ADD3: variants seen among roughly 807,000 people sequenced by gnomAD.
The protein encoded by ADD3 is gamma-adducin.
ADD3 carries 25 observed loss-of-function variants against 80.2 expected under a neutral mutation model. The observed-to-expected ratio is 0.31, with a 90% CI of 0.23 to 0.44. ADD3 has a LOEUF of 0.44. ADD3 is among the 20% of genes least tolerant of loss of function. ADD3 has a pLI of 1.00. For missense variants in ADD3, 829 were observed against 847.5 expected (o/e 0.98, Z 0.27); for synonymous variants, 284 against 289.6 (o/e 0.98, Z 0.20).
At chr10:110,093,524 CAT>C (rs1847804558) in intron 1 of ADD3, among the ~76,000 whole-genome samples, 1 of 152,134 alleles carries the variant, frequency 6.6e-6, no homozygotes, top group Non-Finnish European at 1.5e-5. Flanking sequence ...CTAATTAAGT[CAT>C]AGTGGTCATC....
intron 1 of ADD3, among the ~76,000 whole-genome samples, chr10:110,087,789 A>G (rs528546985): frequency 3.9e-5 from 6 of 152,328 alleles, no homozygotes; most frequent in South Asian, 2.1e-4. Context: ...TTGGAACAGT[A>G]TATGTGTTAG....
chr10:110,055,121 T>A (rs569070526), intron 1 of ADD3, among the ~76,000 whole-genome samples: 2 of 152,344 alleles, frequency 1.3e-5, no homozygotes, highest in Non-Finnish European at 2.9e-5. Context: ...TGCCCAATAA[T>A]ATTAGCTGTT....
At chr10:110,009,550 A>G (rs1254142193) in intron 1 of ADD3, among the ~76,000 whole-genome samples, 1 of 152,240 alleles carries the variant, frequency 6.6e-6, no homozygotes, top group Non-Finnish European at 1.5e-5. Context: ...ACTTAACCCT[A>G]TAAATAACTG....
chr10:110,128,049 A>ATTTTTT (rs71486096), intron 12 of ADD3, among the ~76,000 whole-genome samples: 20 of 105,986 alleles, frequency 1.9e-4, no homozygotes, highest in South Asian at 3.2e-4. Flanking sequence ...TTTGTTTAGG[A>ATTTTTT]TTTTTTTTTT....
intron 1 of ADD3, among the ~76,000 whole-genome samples, chr10:110,097,118 A>G (rs1385499138): frequency 1.3e-5 from 2 of 152,230 alleles, no homozygotes; most frequent in Admixed American, 1.3e-4. Context: ...AAGTATATTA[A>G]CAGTTATACA....
intron 1 of ADD3, among the ~76,000 whole-genome samples, chr10:110,082,453 T>G (rs2133783294): frequency 6.6e-6 from 1 of 152,356 alleles, no homozygotes; most frequent in East Asian, 1.9e-4. Flanking sequence ...TTTAAAGACC[T>G]ATTTTGAGTT....
intron 1 of ADD3, among the ~76,000 whole-genome samples, chr10:110,026,753 T>C (rs890273954): frequency 6.6e-6 from 1 of 151,900 alleles, no homozygotes; most frequent in African/African-American, 2.4e-5. Flanking sequence ...AACTATGTAA[T>C]ATTTCTTTTA....
At chr10:110,087,099 G>A (rs1228390053) in intron 1 of ADD3, among the ~76,000 whole-genome samples, 8 of 152,094 alleles carry the variant, frequency 5.3e-5, no homozygotes, top group Non-Finnish European at 8.8e-5. Flanking sequence ...CGCCATCTCA[G>A]CTCACTGCAA....
Position 110,095,456 on chromosome 10 carries a change from A to T in ADD3, c.-29-5169A>T, listed in dbSNP as rs561920096. Reference sequence around the variant, plus strand: ...TTTTCTAAACATTTCATATAAATGGAGTCATACAATATGTGGTCCTTGGTG... The same window carrying T: ...TTTTCTAAACATTTCATATAAATGGTGTCATACAATATGTGGTCCTTGGTG... On this transcript the variant is annotated intron_variant, in intron 1 of 14. Coordinates refer to ENST00000356080, the MANE Select transcript of ADD3 (RefSeq NM_016824.5). Among the ~76,000 whole-genome samples the T allele has an allele frequency of 2.0e-5, 3 of 152,330 alleles. No individual in the cohort carries two copies. The South Asian group carries it at 6.2e-4, about 32-fold the overall frequency.
At chr10:110,065,074 TACTC>T (rs1843735471) in intron 1 of ADD3, among the ~76,000 whole-genome samples, 1 of 152,182 alleles carries the variant, frequency 6.6e-6, no homozygotes, top group Admixed American at 6.5e-5. Flanking sequence ...CAAATTTCTT[TACTC>T]ACTGTTGTTT....
intron 2 of ADD3, among the ~76,000 whole-genome samples, chr10:110,108,165 A>G (rs902961015): frequency 1.3e-5 from 2 of 152,140 alleles, no homozygotes; most frequent in Admixed American, 6.5e-5. Context: ...GCTTTGATGA[A>G]TTCTTAGCTA....
At chr10:110,064,483 T>C (rs1324611554) in intron 1 of ADD3, among the ~76,000 whole-genome samples, 1 of 152,242 alleles carries the variant, frequency 6.6e-6, no homozygotes, top group African/African-American at 2.4e-5. Context: ...ATTTCCCTTA[T>C]AACTAATGAT....
intron 11 of ADD3, 87 bp from the exon 12 acceptor site, chr10:110,126,325 TGTCAA>T (rs1852151993): frequency 1.1e-6 from 1 of 935,428 alleles, no homozygotes; most frequent in Admixed American, 2.0e-5. Flanking sequence ...ACTCTGGAAA[TGTCAA>T]GTAGTAAGCT....
At chr10:110,078,425 C>T (rs1564937173) in intron 1 of ADD3, among the ~76,000 whole-genome samples, 2 of 152,162 alleles carry the variant, frequency 1.3e-5, no homozygotes, top group African/African-American at 4.8e-5. Flanking sequence ...TTATAAGTGA[C>T]ATGAAAACTA....
intron 2 of ADD3, among the ~76,000 whole-genome samples, chr10:110,111,872 C>T (rs61881642): frequency 0.13 from 20,005 of 151,242 alleles, 1,751 homozygotes; most frequent in East Asian, 0.4. Flanking sequence ...GAGATCGCGC[C>T]GTTGCACTCT....
chr10:110,009,104 C>G (rs372294487), intron 1 of ADD3, among the ~76,000 whole-genome samples: 13 of 152,174 alleles, frequency 8.5e-5, no homozygotes, highest in Admixed American at 8.5e-4. Flanking sequence ...AAGTAGGTGC[C>G]GGTTGAAAAT....
chr10:110,039,437 A>T (rs1490869960), intron 1 of ADD3, among the ~76,000 whole-genome samples: 1 of 152,182 alleles, frequency 6.6e-6, no homozygotes, highest in East Asian at 1.9e-4. Flanking sequence ...AGTGGCAGAG[A>T]GTCCCAGCCA....
intron 1 of ADD3, among the ~76,000 whole-genome samples, chr10:110,042,171 T>C (rs1173381561): frequency 2.0e-5 from 3 of 152,230 alleles, no homozygotes; most frequent in Non-Finnish European, 4.4e-5. Context: ...TAAATACTGT[T>C]GTTTGAGCTT....
intron 2 of ADD3, among the ~76,000 whole-genome samples, chr10:110,106,738 G>A (rs1849435698): frequency 6.6e-6 from 1 of 151,952 alleles, no homozygotes; most frequent in Non-Finnish European, 1.5e-5. Flanking sequence ...CATACTTTTT[G>A]GACCTATGTT....
Sources: allele counts gnomAD v4.1 joint callset (sites outside exome capture counted in the v4.1 genomes callset), GRCh38; gene constraint gnomAD v4.1.1; transcripts MANE v1.5; gene names NCBI Gene and HGNC (gene_info 2026-07-23, HGNC 2026-07-21).